Variants in ABCG1 observed in about 807,000 individuals in gnomAD.
ABCG1 encodes the protein ATP binding cassette subfamily G member 1.
A neutral mutation model predicts 69.2 loss-of-function variants in ABCG1; 29 were observed. The ratio of observed to expected loss-of-function variants is 0.42; its 90% CI spans 0.31 to 0.57. The LOEUF is 0.57. Among genes scored for constraint, ABCG1 ranks in the 20% least tolerant of loss-of-function variants. The probability of loss-of-function intolerance (pLI) is 0.15; values close to 1 mark genes in which losing one functional copy is unlikely to be tolerated. For synonymous variants in ABCG1, 370 were observed against 374.8 expected (o/e 0.99, Z 0.15); for missense variants, 718 against 898.1 (o/e 0.80, Z 2.56).
chr21:42,295,329 TCAATAAAAAAAAAAAAAAAAAAA>T (rs2069183742), intron 14 of ABCG1: 1 of 65,758 alleles, frequency 1.5e-5, no homozygotes, highest in African/African-American at 5.8e-5. Flanking sequence ...AGACTCCGTC[TCAATAAAAAAAAAAAAAAAAAAA>T]AAAAAAAAAA....
intron 2 of ABCG1, among the ~76,000 whole-genome samples, chr21:42,232,595 G>A (rs768060726): frequency 3.3e-5 from 5 of 152,178 alleles, no homozygotes; most frequent in Non-Finnish European, 5.9e-5. Context: ...GCTCTGCTCC[G>A]TGGGGGTTGG....
intron 2 of ABCG1, among the ~76,000 whole-genome samples, chr21:42,258,448 C>T (rs1439319780): frequency 6.7e-6 from 1 of 149,074 alleles, no homozygotes; most frequent in Non-Finnish European, 1.5e-5. Flanking sequence ...ATATCTTCCT[C>T]CATCCCTTCC....
Position 42,284,692 on chromosome 21 carries a change from GC to G in ABCG1, c.858+13del. On this transcript the variant is annotated intron_variant, in intron 7 of 14. Coordinates refer to ENST00000398449, the MANE Select transcript of ABCG1 (RefSeq NM_016818.3). The stretch of plus-strand genomic sequence containing the variant: ...TCGAGCTGTTCGACCAGGTACGCGG[GC>G]CCCGGGCCCTCCCCGCCAGATTACC... The G allele has an allele frequency of 6.2e-7, 1 of 1,611,580 alleles. No homozygotes were observed.
intron 1 of ABCG1, chr21:42,201,514 T>C (rs2067506079): frequency 2.6e-6 from 3 of 1,137,796 alleles, no homozygotes; most frequent in Admixed American, 4.8e-5. Flanking sequence ...CATGACAGGG[T>C]GAGCTACCCT....
intron 2 of ABCG1, among the ~76,000 whole-genome samples, chr21:42,244,097 G>A (rs1026665220): frequency 2.0e-5 from 3 of 152,166 alleles, no homozygotes; most frequent in Admixed American, 2.0e-4. Context: ...GGGATTACAG[G>A]CGTGAGCCCC....
At chr21:42,200,707 G>A (rs2067499835) in intron 1 of ABCG1, among the ~76,000 whole-genome samples, 1 of 151,112 alleles carries the variant, frequency 6.6e-6, no homozygotes. Context: ...TCCTGCCTCA[G>A]CCTCCTGAGT....
chr21:42,258,651 CCATCCCTCCATT>C (rs1209009754), intron 2 of ABCG1, among the ~76,000 whole-genome samples: 2 of 152,142 alleles, frequency 1.3e-5, no homozygotes, highest in African/African-American at 4.8e-5. Context: ...ATCCCTCCAT[CCATCCCTCCATT>C]AATCCTCCTC....
intron 2 of ABCG1, among the ~76,000 whole-genome samples, chr21:42,248,625 C>T (rs1005822407): frequency 5.3e-5 from 8 of 152,026 alleles, no homozygotes; most frequent in African/African-American, 1.7e-4. Context: ...CGGTGGCTCA[C>T]GCCTGTAATC....
At chr21:42,256,184 A>T (rs1284739546) in intron 2 of ABCG1, 1 of 1,421,678 alleles carries the variant, frequency 7.0e-7, no homozygotes, top group Non-Finnish European at 9.2e-7. Context: ...GGCTGCTGCG[A>T]TCATTTAGGC....
intron 2 of ABCG1, among the ~76,000 whole-genome samples, chr21:42,258,477 C>T (rs1601403575): frequency 6.6e-6 from 1 of 151,854 alleles, no homozygotes; most frequent in East Asian, 1.9e-4. Flanking sequence ...TCAATGCATC[C>T]CTCTCTCCAT....
intron 14 of ABCG1, chr21:42,295,366 A>AAAAAAAAAAAAG (rs2069187465): frequency 7.1e-6 from 1 of 141,790 alleles, no homozygotes; most frequent in Non-Finnish European, 1.5e-5. Flanking sequence ...AAAAAAAAAA[A>AAAAAAAAAAAAG]AAAAAAAAAA....
chr21:42,250,386 T>G (rs2068200747), intron 2 of ABCG1, among the ~76,000 whole-genome samples: 1 of 152,152 alleles, frequency 6.6e-6, no homozygotes, highest in African/African-American at 2.4e-5. Flanking sequence ...CCCTGCCCCA[T>G]GCCTCAGTGG....
chr21:42,288,187 C>T lies in ABCG1; in HGVS notation c.1123-24C>T, dbSNP rs1164750778. On this transcript the variant is annotated intron_variant, in intron 9 of 14. Transcript: ENST00000398449. The surrounding 1 kb of genome is among the most constrained non-coding windows in gnomAD (Gnocchi z 4.8). ...GTGGCTCCGGACTGGCTTTCACCCG[C>T]TCCCCTCTTGCGTGTGTCCTCAGGA... 10 of 1,612,648 alleles carry T rather than the reference C, an allele frequency of 6.2e-6. No homozygotes were observed. The highest frequency in any genetic ancestry group is 8.5e-6 in the Non-Finnish European group (10 of 1,178,714).
intron 2 of ABCG1, among the ~76,000 whole-genome samples, chr21:42,265,054 C>T (rs2068479381): frequency 6.6e-6 from 1 of 152,184 alleles, no homozygotes; most frequent in Admixed American, 6.5e-5. Flanking sequence ...TGCTGGCCCC[C>T]CATCCCCATG....
chr21:42,271,162 C>G lies in ABCG1; in HGVS notation c.379C>G (p.Leu127Val). ...TCCTTCCGGGGCCGGGAAGTCCACG[C>G]TGATGAACATCCTGGCTGGATACAG... ...MGPSGAGKST[L>V]MNILAGYRET... Residue 127 changes from leucine to valine, a missense_variant, in exon 3 of 15, where the codon CTG becomes GTG. Leu to Val is a conservative substitution (Grantham distance 32). Around this residue, in one of 2 missense-constraint regions of ABCG1, gnomAD observed 514 missense variants for 574.3 expected, o/e 0.90. Coordinates refer to ENST00000398449, the MANE Select transcript of ABCG1 (RefSeq NM_016818.3). 1 of 1,575,102 alleles carries G rather than the reference C, an allele frequency of 6.3e-7. No individual in the cohort carries two copies. The highest frequency in any genetic ancestry group is 1.4e-5 in the African/African-American group (1 of 72,846).
chr21:42,234,698 C>T (rs2123565302), intron 2 of ABCG1, among the ~76,000 whole-genome samples: 1 of 152,352 alleles, frequency 6.6e-6, no homozygotes, highest in East Asian at 1.9e-4. Flanking sequence ...CCCGTCCTTT[C>T]TCTGGCTGGT....
intron 2 of ABCG1, among the ~76,000 whole-genome samples, chr21:42,266,639 T>C (rs1202831688): frequency 1.3e-5 from 2 of 152,198 alleles, no homozygotes; most frequent in Non-Finnish European, 2.9e-5. Context: ...ATCTCTGTCC[T>C]CTGGCGATGA....
intron 2 of ABCG1, among the ~76,000 whole-genome samples, chr21:42,245,049 C>T (rs2068111311): frequency 6.6e-6 from 1 of 152,240 alleles, no homozygotes; most frequent in South Asian, 2.1e-4. Flanking sequence ...ACGCGCTCCA[C>T]GAGCTCAGGC....
At chr21:42,217,348 T>C (rs549192671), upstream of ABCG1, among the ~76,000 whole-genome samples, 3 of 152,264 alleles carry the variant, frequency 2.0e-5, no homozygotes, top group African/African-American at 7.2e-5. Context: ...CCTGGCCACA[T>C]GGACAGTTCC....
Sources: gnomAD v4.1 joint callset for allele counts (sites outside exome capture counted in the v4.1 genomes callset) on GRCh38, gnomAD v4.1.1 for gene constraint, gnomAD v4.1.1 regional missense constraint, Gnocchi (gnomAD v3.1) non-coding constraint, MANE v1.5 for transcripts, NCBI Gene and HGNC (gene_info 2026-07-23, HGNC 2026-07-21) for gene names.